The following IGF1R variants were observed in gnomAD, a reference collection of about 807,000 sequenced individuals.
The protein encoded by IGF1R is insulin-like growth factor 1 receptor.
Under a neutral mutation model 144.6 loss-of-function variants are expected in IGF1R, and 44 were observed. The ratio of observed to expected loss-of-function variants is 0.30; its 90% CI spans 0.24 to 0.39. The LOEUF (loss-of-function observed/expected upper bound fraction) is 0.39, where lower values mean the gene tolerates loss of function less well. Ranked by LOEUF, IGF1R falls within the 10% of genes least tolerant of loss-of-function variation. IGF1R has a pLI of 1.00. For missense variants in IGF1R, 1,355 were observed against 1,833.7 expected, an observed-to-expected ratio of 0.74 and a Z score of 4.77; for synonymous variants, 795 against 722.8, an observed-to-expected ratio of 1.10 and a Z score of -1.60.
At chr15:98,703,034 C>T (rs1008864432) in intron 1 of IGF1R, among the ~76,000 whole-genome samples, 8 of 152,140 alleles carry the variant, frequency 5.3e-5, no homozygotes, top group African/African-American at 1.7e-4. Flanking sequence ...CCTTCCCTGA[C>T]TCCCAGCACC....
At chr15:98,852,670 C>G (rs370617575) in intron 2 of IGF1R, among the ~76,000 whole-genome samples, 3 of 152,356 alleles carry the variant, frequency 2.0e-5, no homozygotes, top group African/African-American at 7.2e-5. Flanking sequence ...CCCACCGGAG[C>G]GAAGCGGGCC....
At chr15:98,806,435 C>A (rs2056473031) in intron 2 of IGF1R, among the ~76,000 whole-genome samples, 1 of 151,976 alleles carries the variant, frequency 6.6e-6, no homozygotes, top group Non-Finnish European at 1.5e-5. Context: ...CCTCTGCTGG[C>A]ATCTGTGGGC....
At chr15:98,706,825 T>TG (rs1377610461) in intron 1 of IGF1R, among the ~76,000 whole-genome samples, 2 of 106,104 alleles carry the variant, frequency 1.9e-5, no homozygotes, top group Non-Finnish European at 4.4e-5. Flanking sequence ...TGATTTTTAC[T>TG]GGTTTTTTTT....
intron 2 of IGF1R, among the ~76,000 whole-genome samples, chr15:98,752,866 C>T (rs557864901): frequency 1.5e-3 from 234 of 151,538 alleles, no homozygotes; most frequent in African/African-American, 5.5e-3. Flanking sequence ...AGAAGGAAAA[C>T]CTAAAATAGT....
rs2017326904 is a variant in IGF1R, at chr15:98,963,945, G to C, written c.*6503G>C. On this transcript the variant is annotated 3_prime_UTR_variant, in exon 21 of 21. Coordinates refer to ENST00000650285, the MANE Select transcript of IGF1R (RefSeq NM_000875.5). ...CACCTGGGGTTTTTGCGCTACATAGGAGAAAGATCTGGAAACTATTTGGGT... is the reference window on the plus strand; with the variant it reads ...CACCTGGGGTTTTTGCGCTACATAGCAGAAAGATCTGGAAACTATTTGGGT... 1.3e-5 allele frequency: 3 copies of C among 233,162 alleles called. No individual in the cohort carries two copies. The highest frequency in any genetic ancestry group is 2.5e-5 in the Non-Finnish European group (3 of 117,924). The allele number at this position is 233,162 out of a possible 1,614,324, so 14.4% of individuals were successfully genotyped here. A position where few individuals can be genotyped will look rare whatever the true frequency, so the allele number is the denominator to read the frequency against.
At chr15:98,779,143 G>T (rs535177955) in intron 2 of IGF1R, among the ~76,000 whole-genome samples, 1 of 152,210 alleles carries the variant, frequency 6.6e-6, no homozygotes, top group Non-Finnish European at 1.5e-5. Flanking sequence ...CATCCACTTT[G>T]TTCCAGAACA....
At chr15:98,886,678 G>A (rs537056588) in intron 2 of IGF1R, among the ~76,000 whole-genome samples, 14 of 152,206 alleles carry the variant, frequency 9.2e-5, no homozygotes, top group East Asian at 1.9e-4. Context: ...CAGTTTTGGC[G>A]CTCGCATGGA....
intron 2 of IGF1R, among the ~76,000 whole-genome samples, chr15:98,846,519 TCTG>T (rs1937918577): frequency 6.6e-6 from 1 of 152,210 alleles, no homozygotes; most frequent in African/African-American, 2.4e-5. Context: ...TCCCAGTAGT[TCTG>T]CTGACAAGTT....
intron 2 of IGF1R, among the ~76,000 whole-genome samples, chr15:98,794,003 G>A (rs1040304700): frequency 1.3e-5 from 2 of 152,128 alleles, no homozygotes; most frequent in Non-Finnish European, 2.9e-5. Flanking sequence ...GTGGCGAAGC[G>A]CCCTATCTTA....
chr15:98,942,750 C>T (rs1490268419), intron 18 of IGF1R, among the ~76,000 whole-genome samples, 173 bp from the exon 19 acceptor site: 1 of 152,190 alleles, frequency 6.6e-6, no homozygotes, highest in African/African-American at 2.4e-5. Flanking sequence ...TTAATCATCC[C>T]TTACTGTCTC....
intron 2 of IGF1R, among the ~76,000 whole-genome samples, chr15:98,753,380 CTT>C (rs1173073572): frequency 0.043 from 2,551 of 59,868 alleles, 40 homozygotes; most frequent in African/African-American, 0.16. Flanking sequence ...CCATACCTGG[CTT>C]TTTTTTTTTT....
At chr15:98,661,250 C>T (rs2052591394) in intron 1 of IGF1R, among the ~76,000 whole-genome samples, 1 of 152,102 alleles carries the variant, frequency 6.6e-6, no homozygotes, top group Non-Finnish European at 1.5e-5. Context: ...ATTGAAGCAC[C>T]CTCTCCAACC....
intron 2 of IGF1R, among the ~76,000 whole-genome samples, chr15:98,852,014 CAG>C (rs2011547535): frequency 6.6e-6 from 1 of 152,154 alleles, no homozygotes; most frequent in Admixed American, 6.5e-5. Flanking sequence ...TCTGCAAAGA[CAG>C]AACTAAAAAT....
At chr15:98,784,730 A>G (rs1390331695) in intron 2 of IGF1R, among the ~76,000 whole-genome samples, 1 of 152,176 alleles carries the variant, frequency 6.6e-6, no homozygotes, top group Non-Finnish European at 1.5e-5. Flanking sequence ...AAAAATTACA[A>G]TACAACAATA....
chr15:98,662,659 A>G (rs1025255345), intron 1 of IGF1R, among the ~76,000 whole-genome samples: 1 of 152,110 alleles, frequency 6.6e-6, no homozygotes, highest in African/African-American at 2.4e-5. Context: ...GTGCTAAGTT[A>G]TGGGATGCTG....
Position 98,960,159 on chromosome 15 carries a change from C to G in IGF1R, c.*2717C>G. The G allele has an allele frequency of 4.3e-6, 1 of 233,744 alleles. No homozygotes were observed. The highest frequency in any genetic ancestry group is 6.0e-5 in the East Asian group (1 of 16,586). The allele number at this position is 233,744 out of a possible 1,614,324, so 14.5% of individuals were successfully genotyped here. ...AGGCCGTTGATACTGGTAACCTCAT[C>G]CACGCCACAGGCGCCACACCCAGGT... On this transcript the variant is annotated 3_prime_UTR_variant, in exon 21 of 21. Coordinates refer to ENST00000650285, the MANE Select transcript of IGF1R (RefSeq NM_000875.5).
At chr15:98,654,044 G>C (rs994182929) in intron 1 of IGF1R, among the ~76,000 whole-genome samples, 2 of 152,206 alleles carry the variant, frequency 1.3e-5, no homozygotes, top group Non-Finnish European at 2.9e-5. Flanking sequence ...TTGAAATTCA[G>C]ATTTTTTTTC....
chr15:98,708,314 G>T (rs1349134110), intron 2 of IGF1R, among the ~76,000 whole-genome samples: 5 of 152,162 alleles, frequency 3.3e-5, no homozygotes, highest in Non-Finnish European at 7.3e-5. Context: ...TTGGATTGCG[G>T]GACTGTGGCG....
chr15:98,938,660 T>C (rs1463131697), intron 17 of IGF1R, among the ~76,000 whole-genome samples: 2 of 152,214 alleles, frequency 1.3e-5, no homozygotes, highest in Non-Finnish European at 2.9e-5. Flanking sequence ...GTAATCCTGG[T>C]ATTTTTGTAT....
Sources: gnomAD v4.1 joint callset for allele counts (sites outside exome capture counted in the v4.1 genomes callset) on GRCh38, gnomAD v4.1.1 for gene constraint, MANE v1.5 for transcripts, NCBI Gene and HGNC (gene_info 2026-07-23, HGNC 2026-07-21) for gene names.